ANKRD7: variants seen among roughly 807,000 people sequenced by gnomAD.
ANKRD7 encodes ankyrin repeat domain-containing protein 7.
In ANKRD7, 30 loss-of-function variants were observed where a neutral mutation model predicts 30.8. The ratio of observed to expected loss-of-function variants is 0.97; its 90% CI spans 0.73 to 1.32. The LOEUF is 1.32. Ranked by LOEUF, ANKRD7 falls within the 40% of genes most tolerant of loss-of-function variation. The pLI, the probability that ANKRD7 is intolerant of heterozygous loss-of-function variation, is 0.00. For synonymous variants in ANKRD7, 97 were observed against 106.6 expected, an observed-to-expected ratio of 0.91 and a Z score of 0.55; for missense variants, 264 against 295.7, an observed-to-expected ratio of 0.89 and a Z score of 0.79.
intron 1 of ANKRD7, among the ~76,000 whole-genome samples, chr7:118,229,460 C>T (rs1263664100): frequency 6.6e-6 from 1 of 152,106 alleles, no homozygotes; most frequent in Non-Finnish European, 1.5e-5. Flanking sequence ...GATATATCCT[C>T]ATCACCTAGA....
At chr7:118,229,574 A>G (rs1809599895) in intron 1 of ANKRD7, among the ~76,000 whole-genome samples, 1 of 152,166 alleles carries the variant, frequency 6.6e-6, no homozygotes, top group Admixed American at 6.6e-5. Flanking sequence ...TAAGGATACT[A>G]TTCAGCAATA....
rs749265578 is a variant in ANKRD7, at chr7:118,234,773, A to G, written c.367A>G (p.Ile123Val). The change falls in exon 3 of 7, where the codon ATT becomes GTT. Residue 123 changes from isoleucine to valine, a missense_variant. Coordinates refer to ENST00000265224, the MANE Select transcript of ANKRD7 (RefSeq NM_019644.4). ...NFGADPDLRDIRYNTVLHYAV... is the reference protein window; with the variant it reads ...NFGADPDLRDVRYNTVLHYAV... The stretch of plus-strand genomic sequence containing the variant: ...TGGTGCAGACCCAGATCTGAGGGAT[A>G]TTCGTTATAATACTGTTCTTCACTA... 8.7e-6 allele frequency: 14 copies of G among 1,613,176 alleles called. No homozygotes were observed. In the South Asian group the frequency reaches 1.5e-4, roughly 18 times the overall value.
rs1255307951 is a variant in ANKRD7, at chr7:118,242,728, C to A, written c.*417C>A. On this transcript the variant is annotated 3_prime_UTR_variant, in exon 7 of 7. Coordinates refer to ENST00000265224, the MANE Select transcript of ANKRD7 (RefSeq NM_019644.4). ...ACATTATAAATAATCCTGTATAAAT[C>A]AAAATTATGTTTTATTTACAAGTAT... The A allele has an allele frequency of 6.6e-6, 1 of 151,996 alleles. No individual in the cohort carries two copies. Among genetic ancestry groups the A allele is most frequent in the East Asian group, 1.9e-4 (1 of 5,184 alleles). 9.4% of individuals were successfully genotyped at this position (151,996 alleles called of 1,614,324 possible).
chr7:118,233,705 GC>G (rs1382401646), intron 1 of ANKRD7, among the ~76,000 whole-genome samples: 4 of 151,988 alleles, frequency 2.6e-5, no homozygotes, highest in African/African-American at 7.2e-5. Flanking sequence ...TTTATATGTG[GC>G]CTTGGTATTA....
chr7:118,227,369 G>A lies in ANKRD7; in HGVS notation c.179+2360G>A, dbSNP rs1026757672. Among the ~76,000 whole-genome samples, 3 of 152,212 alleles carry A rather than the reference G, an allele frequency of 2.0e-5. No homozygotes were observed. In the South Asian group the frequency reaches 6.2e-4, roughly 31 times the overall value. ...CTCTCTTGGGTAAAGCTGGGAGGTA[G>A]TGGGTCTCTTTCTTATCATATGGCA... On this transcript the variant is annotated intron_variant, in intron 1 of 6. Coordinates refer to ENST00000265224, the MANE Select transcript of ANKRD7 (RefSeq NM_019644.4).
chr7:118,227,591 C>G (rs1809566340), intron 1 of ANKRD7, among the ~76,000 whole-genome samples: 1 of 152,164 alleles, frequency 6.6e-6, no homozygotes. Context: ...GTTTCCTACT[C>G]TGTCATATTG....
chr7:118,229,700 A>T (rs1289592384), intron 1 of ANKRD7, among the ~76,000 whole-genome samples: 2 of 152,136 alleles, frequency 1.3e-5, no homozygotes, highest in South Asian at 4.1e-4. Context: ...GGAAAGGTAA[A>T]AGCACTGTAG....
At chr7:118,229,513 A>G (rs1809598602) in intron 1 of ANKRD7, among the ~76,000 whole-genome samples, 2 of 152,182 alleles carry the variant, frequency 1.3e-5, no homozygotes, top group South Asian at 4.1e-4. Context: ...TTTAAAATAA[A>G]TGAATGAAAG....
intron 6 of ANKRD7, among the ~76,000 whole-genome samples, chr7:118,241,265 G>C (rs1008038304): frequency 2.7e-5 from 4 of 150,668 alleles, no homozygotes; most frequent in Non-Finnish European, 5.9e-5. Context: ...TTGGATGAGA[G>C]AAAAACTTTT....
chr7:118,227,141 C>G (rs1047862325), intron 1 of ANKRD7, among the ~76,000 whole-genome samples: 5 of 151,918 alleles, frequency 3.3e-5, no homozygotes, highest in African/African-American at 1.2e-4. Context: ...TTTTGTGTAA[C>G]TTCTACAGAT....
chr7:118,233,447 T>TTTTTTGAACTG (rs1457960583), intron 1 of ANKRD7, among the ~76,000 whole-genome samples: 2 of 152,106 alleles, frequency 1.3e-5, no homozygotes, highest in Non-Finnish European at 2.9e-5. Flanking sequence ...CTTTCTCCAA[T>TTTTTTGAACTG]TTTTTGAACT....
In ANKRD7 at chr7:118,234,469, ATGT is replaced by A. The variant is rs1809692983; in HGVS notation, c.222_224del (p.Val75del). The A allele has an allele frequency of 6.2e-7, 1 of 1,613,026 alleles. No homozygotes were observed. The highest frequency in any genetic ancestry group is 1.1e-5 in the South Asian group (1 of 90,818). ...CTAGCCTGTGCTAATGGACATACAG[ATGT>A]TGTACTTTTCCTAATTGAGCAACAA... is the stretch of plus-strand genomic sequence containing the variant. On this transcript the variant is annotated inframe_deletion, in exon 2 of 7. Transcript: ENST00000265224.
intron 1 of ANKRD7, among the ~76,000 whole-genome samples, chr7:118,228,150 A>G (rs1257640391): frequency 2.0e-5 from 3 of 152,120 alleles, no homozygotes; most frequent in African/African-American, 7.2e-5. Flanking sequence ...TTCTGTGGAC[A>G]CTTCTTTTGA....
intron 1 of ANKRD7, among the ~76,000 whole-genome samples, chr7:118,233,774 A>C (rs1259316455): frequency 6.6e-6 from 1 of 152,132 alleles, no homozygotes; most frequent in Non-Finnish European, 1.5e-5. Context: ...ATAAATGTTT[A>C]TTGAGGGCCA....
intron 1 of ANKRD7, among the ~76,000 whole-genome samples, chr7:118,231,141 A>C (rs942034423): frequency 1.3e-5 from 2 of 152,068 alleles, no homozygotes; most frequent in Non-Finnish European, 2.9e-5. Context: ...CATCTTTCAA[A>C]CTAGAGCTAC....
At chr7:118,226,767 A>G (rs1809549208) in intron 1 of ANKRD7, among the ~76,000 whole-genome samples, 1 of 152,156 alleles carries the variant, frequency 6.6e-6, no homozygotes, top group South Asian at 2.1e-4. Context: ...TAATTTTTCA[A>G]TATTTTTAGG....
chr7:118,228,724 G>C (rs1809584367), intron 1 of ANKRD7, among the ~76,000 whole-genome samples: 1 of 152,060 alleles, frequency 6.6e-6, no homozygotes, highest in Non-Finnish European at 1.5e-5. Flanking sequence ...ACATCCATTT[G>C]ATTAAACAGC....
In ANKRD7 at chr7:118,234,459, G is replaced by A. The variant is rs770762529; in HGVS notation, c.208G>A (p.Gly70Arg). The A allele has an allele frequency of 1.7e-5, 28 of 1,611,876 alleles. No individual in the cohort carries two copies. The highest frequency in any genetic ancestry group is 1.6e-5 in the Non-Finnish European group (19 of 1,179,218). Residue 70 changes from glycine (G) to arginine (R), a missense_variant, in exon 2 of 7, where the codon GGA becomes AGA. Transcript: ENST00000265224. ...ACCTTTGCACCTAGCCTGTGCTAAT[G>A]GACATACAGATGTTGTACTTTTCCT... ...RTPLHLACAN[G>R]HTDVVLFLIE...
chr7:118,242,126 G>C (rs1213440867), intron 6 of ANKRD7, among the ~76,000 whole-genome samples: 1 of 152,150 alleles, frequency 6.6e-6, no homozygotes, highest in Non-Finnish European at 1.5e-5. Context: ...GATTTATTGT[G>C]TCAAGAAAAT....
Sources: allele counts gnomAD v4.1 joint callset (sites outside exome capture counted in the v4.1 genomes callset), GRCh38; gene constraint gnomAD v4.1.1; transcripts MANE v1.5; gene names NCBI Gene and HGNC (gene_info 2026-07-23, HGNC 2026-07-21).